Variants in PTPRG observed in about 807,000 individuals in gnomAD.
PTPRG encodes the protein receptor-type tyrosine-protein phosphatase gamma.
Under a neutral mutation model 165.3 loss-of-function variants are expected in PTPRG, and 102 were observed. That is an observed-to-expected ratio of 0.62 (90% CI 0.53 to 0.73). The LOEUF (loss-of-function observed/expected upper bound fraction) is 0.73. Among genes scored for constraint, PTPRG ranks in the 30% least tolerant of loss-of-function variants. The pLI, the probability that PTPRG is intolerant of heterozygous loss-of-function variation, is 0.00. For missense variants in PTPRG, 1,866 were observed against 1,861.4 expected (o/e 1.00, Z -0.05); for synonymous variants, 675 against 669.5 (o/e 1.01, Z -0.13).
chr3:61,623,714 G>A (rs1452072462), intron 1 of PTPRG, among the ~76,000 whole-genome samples: 3 of 152,114 alleles, frequency 2.0e-5, no homozygotes, highest in Non-Finnish European at 2.9e-5. Context: ...TCTATAAATA[G>A]GCCTTCTATA....
At chr3:62,256,801 C>T (rs927059300) in intron 16 of PTPRG, among the ~76,000 whole-genome samples, 1 of 152,102 alleles carries the variant, frequency 6.6e-6, no homozygotes, top group Admixed American at 6.5e-5. Flanking sequence ...GGTTTTGACA[C>T]CATTTAATTA....
chr3:62,076,082 C>T (rs957175132), intron 4 of PTPRG, among the ~76,000 whole-genome samples: 1 of 152,068 alleles, frequency 6.6e-6, no homozygotes, highest in Admixed American at 6.6e-5. Flanking sequence ...TCTAAACCAG[C>T]CTGGGCAACA....
chr3:61,903,013 G>GCACA (rs749009031), intron 2 of PTPRG, among the ~76,000 whole-genome samples: 99 of 152,164 alleles, frequency 6.5e-4, no homozygotes, highest in Non-Finnish European at 1.2e-3. Context: ...AGTAGCATAG[G>GCACA]CACATGTAAG....
At chr3:61,791,618 G>T (rs564134042) in intron 2 of PTPRG, among the ~76,000 whole-genome samples, 1 of 152,272 alleles carries the variant, frequency 6.6e-6, no homozygotes, top group South Asian at 2.1e-4. Flanking sequence ...CTCCTGAGTA[G>T]CTGGAATTAC....
intron 2 of PTPRG, among the ~76,000 whole-genome samples, chr3:61,842,684 C>CAAAAA (rs199500194): frequency 3.3e-5 from 4 of 121,616 alleles, no homozygotes; most frequent in African/African-American, 9.3e-5. Flanking sequence ...GTATGTGTGG[C>CAAAAA]AAAAAAAAAA....
chr3:61,867,727 G>C (rs1223801001), intron 2 of PTPRG, among the ~76,000 whole-genome samples: 1 of 152,116 alleles, frequency 6.6e-6, no homozygotes, highest in African/African-American at 2.4e-5. Flanking sequence ...GATACTCTGA[G>C]CGTTTATCTT....
intron 13 of PTPRG, among the ~76,000 whole-genome samples, chr3:62,230,432 A>G (rs775432555): frequency 1.3e-5 from 2 of 152,214 alleles, no homozygotes; most frequent in Non-Finnish European, 2.9e-5. Flanking sequence ...TGTCATTGCT[A>G]TTTTATCAAC....
intron 2 of PTPRG, among the ~76,000 whole-genome samples, chr3:61,967,372 T>C (rs962986958): frequency 1.3e-5 from 2 of 152,180 alleles, no homozygotes; most frequent in Non-Finnish European, 2.9e-5. Context: ...TTATTATTAC[T>C]CATTTTATCA....
chr3:61,883,688 C>T (rs1050201586), intron 2 of PTPRG, among the ~76,000 whole-genome samples: 1 of 151,952 alleles, frequency 6.6e-6, no homozygotes, highest in Non-Finnish European at 1.5e-5. Flanking sequence ...AAATAGTTAC[C>T]TTGTCAAAGT....
intron 1 of PTPRG, among the ~76,000 whole-genome samples, chr3:61,741,038 A>C (rs140104669): frequency 6.6e-6 from 1 of 152,346 alleles, no homozygotes; most frequent in East Asian, 1.9e-4. Flanking sequence ...GAGGTTGATC[A>C]GAATATTTAA....
In PTPRG at chr3:62,294,628, G is replaced by C. The variant is rs1703003879; in HGVS notation, c.*1321G>C. Reference sequence around the variant, plus strand: ...CCTCTGGAGCCATACTCACGCTGCAGTGCATAATGGGAAAATTAGGAGCAT... The same window carrying C: ...CCTCTGGAGCCATACTCACGCTGCACTGCATAATGGGAAAATTAGGAGCAT... On this transcript the variant is annotated 3_prime_UTR_variant, in exon 30 of 30. Transcript: ENST00000474889. 2 of 152,082 alleles carry C rather than the reference G, an allele frequency of 1.3e-5. No homozygotes were observed. The highest frequency in any genetic ancestry group is 4.1e-4 in the South Asian group (2 of 4,834). The allele number at this position is 152,082 out of a possible 1,614,324, so 9.4% of individuals were successfully genotyped here.
chr3:62,007,341 C>T (rs1160051556), intron 4 of PTPRG, among the ~76,000 whole-genome samples: 1 of 152,240 alleles, frequency 6.6e-6, no homozygotes, highest in Non-Finnish European at 1.5e-5. Flanking sequence ...TTAAAAACAT[C>T]TAGTCTAATA....
intron 1 of PTPRG, among the ~76,000 whole-genome samples, chr3:61,725,686 G>T (rs919469514): frequency 1.4e-5 from 2 of 147,798 alleles, no homozygotes; most frequent in Non-Finnish European, 3.0e-5. Context: ...TTGATTCCCT[G>T]CCTACCTCCA....
intron 4 of PTPRG, among the ~76,000 whole-genome samples, chr3:62,076,644 T>C (rs1701397467): frequency 6.6e-6 from 1 of 151,716 alleles, no homozygotes; most frequent in Non-Finnish European, 1.5e-5. Flanking sequence ...TGCAATGGCA[T>C]GACCTCGGCT....
rs1353311797 is a variant in PTPRG, at chr3:61,738,288, A to G, written c.86-10590A>G. ...TATATATATATATATACATATATAT[A>G]TATATATATATATATATATATATAC... On this transcript the variant is annotated intron_variant, in intron 1 of 29. Coordinates refer to ENST00000474889, the MANE Select transcript of PTPRG (RefSeq NM_002841.4). Among the ~76,000 whole-genome samples, 458 of 69,806 alleles carry G rather than the reference A, an allele frequency of 6.6e-3. 31 individuals carry two copies. Among genetic ancestry groups the G allele is most frequent in the African/African-American group, 0.024 (408 of 16,946 alleles). The allele number at this position is 69,806 out of a possible 152,430, so 45.8% of individuals were successfully genotyped here.
At chr3:61,908,604 C>A (rs2038718625) in intron 2 of PTPRG, among the ~76,000 whole-genome samples, 1 of 151,932 alleles carries the variant, frequency 6.6e-6, no homozygotes, top group East Asian at 1.9e-4. Flanking sequence ...AGCAATAAAC[C>A]CTGGAACCTT....
intron 16 of PTPRG, among the ~76,000 whole-genome samples, chr3:62,261,295 TC>T (rs1476551303): frequency 6.6e-6 from 1 of 152,196 alleles, no homozygotes; most frequent in Non-Finnish European, 1.5e-5. Flanking sequence ...TTGAAACTCT[TC>T]AAAAGAGCAT....
Position 61,742,465 on chromosome 3 carries a change from C to T in PTPRG, c.86-6413C>T, listed in dbSNP as rs55749226. 15,025 of 1,545,824 alleles carry T rather than the reference C, an allele frequency of 9.7e-3. 99 individuals carry two copies. Among genetic ancestry groups the T allele is most frequent in the Non-Finnish European group, 0.011 (12,877 of 1,145,874 alleles). ...TTATTCAAATGTGCCTTAATATAGG[C>T]GCTGGGGCTTGCCCATGGTGCTCTC... On this transcript the variant is annotated intron_variant, in intron 1 of 29. Transcript: ENST00000474889.
At chr3:61,818,507 A>G (rs1181163003) in intron 2 of PTPRG, among the ~76,000 whole-genome samples, 2 of 152,110 alleles carry the variant, frequency 1.3e-5, no homozygotes, top group African/African-American at 4.8e-5. Flanking sequence ...GTATAATGAA[A>G]AAGTTGTTTA....
Sources: gnomAD v4.1 joint callset for allele counts (sites outside exome capture counted in the v4.1 genomes callset) on GRCh38, gnomAD v4.1.1 for gene constraint, MANE v1.5 for transcripts, NCBI Gene and HGNC (gene_info 2026-07-23, HGNC 2026-07-21) for gene names.